SLC2A5: variants seen among roughly 807,000 people sequenced by gnomAD.
SLC2A5 encodes solute carrier family 2 member 5.
A neutral mutation model predicts 50.3 loss-of-function variants in SLC2A5; 56 were observed. The ratio of observed to expected loss-of-function variants is 1.11; its 90% CI spans 0.90 to 1.39. SLC2A5 has a LOEUF of 1.39. Among genes scored for constraint, SLC2A5 ranks in the 40% most tolerant of loss-of-function variants. The pLI, the probability that SLC2A5 is intolerant of heterozygous loss-of-function variation, is 0.00. For synonymous variants in SLC2A5, 269 were observed against 281.9 expected, an observed-to-expected ratio of 0.95 and a Z score of 0.46; for missense variants, 566 against 650.1, an observed-to-expected ratio of 0.87 and a Z score of 1.41.
chr1:9,076,527 T>C (rs954420906), intron 2 of SLC2A5, among the ~76,000 whole-genome samples: 5 of 152,220 alleles, frequency 3.3e-5, no homozygotes, highest in African/African-American at 1.2e-4. Flanking sequence ...TATCACATGA[T>C]AGCAGAAATG....
intron 4 of SLC2A5, among the ~76,000 whole-genome samples, chr1:9,042,524 T>C (rs1641329650): frequency 6.7e-6 from 1 of 150,020 alleles, no homozygotes; most frequent in Non-Finnish European, 1.5e-5. Flanking sequence ...TATATGGACA[T>C]GGCCTGGTGT....
At chr1:9,075,955 C>G (rs1254377202) in intron 2 of SLC2A5, among the ~76,000 whole-genome samples, 3 of 146,170 alleles carry the variant, frequency 2.1e-5, no homozygotes, top group African/African-American at 7.6e-5. Flanking sequence ...GCCACCGCGC[C>G]CGGCATTTTT....
rs1641793213 is a variant in SLC2A5 at position 9,057,568 on chromosome 1, G to A, written c.173C>T (p.Thr58Ile). The A allele has an allele frequency of 6.2e-7, 1 of 1,613,462 alleles. No individual in the cohort carries two copies. The highest frequency in any genetic ancestry group is 1.3e-5 in the African/African-American group (1 of 74,920). Residue 58 changes from threonine (T) to isoleucine (I), a missense_variant, in exon 3 of 12, where the codon ACC (threonine) becomes ATC (isoleucine). Thr to Ile is a moderately conservative substitution (Grantham distance 89). Coordinates refer to ENST00000377424, the MANE Select transcript of SLC2A5 (RefSeq NM_003039.3). ...GGGGAAGTCTTCCATGAATTCACCG[G>A]TCCTACCATAGTAAGTCTCATTGTA... ...QFYNETYYGR[T>I]GEFMEDFPLT...
At chr1:9,086,311 G>A (rs998362656) in intron 1 of SLC2A5, among the ~76,000 whole-genome samples, 3 of 151,966 alleles carry the variant, frequency 2.0e-5, no homozygotes, top group Non-Finnish European at 2.9e-5. Flanking sequence ...GGCCAGCCAC[G>A]CCCTAAGGGA....
At chr1:9,059,008 A>G (rs1156828693) in intron 1 of SLC2A5, among the ~76,000 whole-genome samples, 1 of 152,112 alleles carries the variant, frequency 6.6e-6, no homozygotes, top group Admixed American at 6.6e-5. Context: ...AGTGTTTGCC[A>G]GGATTAATTA....
intron 1 of SLC2A5, among the ~76,000 whole-genome samples, chr1:9,059,194 G>C (rs753918457): frequency 2.3e-5 from 3 of 130,694 alleles, no homozygotes; most frequent in Non-Finnish European, 4.7e-5. Context: ...CCAGGCTGGA[G>C]TGCAGTGGCG....
In SLC2A5 at chr1:9,038,882, G is replaced by T. The variant is rs202079580; in HGVS notation, c.1044C>A (p.Gly348=). Residue 348 remains glycine (G), a synonymous_variant, in exon 9 of 12, where the codon GGC becomes GGA. Transcript: ENST00000377424. ...AGCAGGCTATGAGGCAGATGGAGAA[G>T]CCCAGCAGCAGCAGCAGCCTCCGAC... ...LLGRRLLLLL[G]FSICLIACCV... 1.9e-6 allele frequency: 3 copies of T among 1,612,680 alleles called. No individual in the cohort carries two copies. Among genetic ancestry groups the T allele is most frequent in the African/African-American group, 2.7e-5 (2 of 75,032 alleles).
rs543555225 is a variant in SLC2A5, at chr1:9,076,946, C to T, written c.-58-7352G>A. Among the ~76,000 whole-genome samples, 9 of 151,894 alleles carry T rather than the reference C, an allele frequency of 5.9e-5. No homozygotes were observed. In the South Asian group the frequency reaches 6.2e-4, roughly 11 times the overall value. On this transcript the variant is annotated intron_variant, in intron 2 of 5. Transcript: ENST00000464985. Reference sequence around the variant, plus strand: ...CTGGGATTACAGGCGCCTGCCACCACGCATGGCTAATTTTGTATTTTTAGT... The same window carrying T: ...CTGGGATTACAGGCGCCTGCCACCATGCATGGCTAATTTTGTATTTTTAGT...
In SLC2A5 at chr1:9,038,921, C is replaced by G; in HGVS notation, c.1005G>C (p.Val335=). 1 of 1,612,476 alleles carries G rather than the reference C, an allele frequency of 6.2e-7. No homozygotes were observed. Among genetic ancestry groups the G allele is most frequent in the Non-Finnish European group, 8.5e-7 (1 of 1,179,848 alleles). Residue 335 remains valine, a synonymous_variant, in exon 9 of 12, where the codon GTG becomes GTC. Transcript: ENST00000377424. ...GCAGCCTCCGACCCAGGAGCTCCAC[C>G]ACGAACACCTACAGGAGGGTGGCAG... ...NVVMTFCAVF[V]VELLGRRLLL...
rs1488825090 is a variant in SLC2A5 at position 9,053,128 on chromosome 1, T to TTAATATATA, written c.293+4319_293+4320insTATATATTA. Among the ~76,000 whole-genome samples the TTAATATATA allele has an allele frequency of 8.3e-5, 5 of 60,102 alleles. 1 individual carries two copies. Among genetic ancestry groups the TTAATATATA allele is most frequent in the African/African-American group, 3.8e-4 (5 of 13,070 alleles). The allele number at this position is 60,102 out of a possible 152,430, so 39.4% of individuals were successfully genotyped here. On this transcript the variant is annotated intron_variant, in intron 3 of 11. Coordinates refer to ENST00000377424, the MANE Select transcript of SLC2A5 (RefSeq NM_003039.3). ...TATAATATATATTATATATTTATATTACATATATTTATATGTTAATATATA... is the reference window on the plus strand; with the variant it reads ...TATAATATATATTATATATTTATATTTAATATATAACATATATTTATATGTTAATATATA...
rs562001609 is a variant in SLC2A5 at position 9,037,774 on chromosome 1, A to G, written c.1318T>C (p.Tyr440His). Residue 440 changes from tyrosine to histidine, a missense_variant, in exon 12 of 12, where the codon TAC (tyrosine) becomes CAC (histidine). By Grantham distance (83) the Tyr-to-His change is moderately conservative. Transcript: ENST00000377424. ...FPFIQEGLGP[Y>H]SFIVFAVICL... ...ATCACGGCGAAGACAATGAAGCTGT[A>G]CGGGCCGAGGCCCTCCTGCGGGAAG... 6.2e-7 allele frequency: 1 copy of G among 1,614,202 alleles called. No homozygotes were observed. The highest frequency in any genetic ancestry group is 2.2e-5 in the East Asian group (1 of 44,890).
chr1:9,037,831 G>T (rs1263141370), intron 11 of SLC2A5, 42 bp from the exon 12 acceptor site: 6 of 1,613,778 alleles, frequency 3.7e-6, no homozygotes, highest in Non-Finnish European at 5.1e-6. Flanking sequence ...GACGTGGTTT[G>T]CCCAGGGGCT....
intron 1 of SLC2A5, among the ~76,000 whole-genome samples, chr1:9,058,988 T>A (rs1182799420): frequency 6.6e-6 from 1 of 151,912 alleles, no homozygotes; most frequent in Non-Finnish European, 1.5e-5. Flanking sequence ...ACAATCACAC[T>A]CCCTACCAGA....
In SLC2A5 at chr1:9,040,503, C is replaced by A; in HGVS notation, c.572-314G>T. 3.2e-6 allele frequency: 1 copy of A among 312,868 alleles called. No individual in the cohort carries two copies. Among genetic ancestry groups the A allele is most frequent in the Non-Finnish European group, 6.0e-6 (1 of 166,612 alleles). 19.4% of individuals were successfully genotyped at this position (312,868 alleles called of 1,614,324 possible). A position where few individuals can be genotyped will look rare whatever the true frequency, so the allele number is the denominator to read the frequency against. On this transcript the variant is annotated intron_variant, in intron 5 of 11. Transcript: ENST00000377424. This position sits in a 1 kb window ranked among gnomAD's most constrained non-coding sequence, Gnocchi z 4.3. Reference sequence around the variant, plus strand: ...AGGGGCTGGAGGAGCTGGGCATACCCGGCCTGACCCAACTGCCCACTCCCA... The same window carrying A: ...AGGGGCTGGAGGAGCTGGGCATACCAGGCCTGACCCAACTGCCCACTCCCA...
rs775990072 is a variant in SLC2A5 at position 9,040,169 on chromosome 1, G to C, written c.592C>G (p.Leu198Val). ...NVDGWPILLG[L>V]TGVPAALQLL... The stretch of plus-strand genomic sequence containing the variant: ...TGCAGCGCCGCGGGGACCCCGGTCA[G>C]CCCCAGCAGGATCGGCCAGCCTGGG... Residue 198 changes from leucine to valine, a missense_variant, in exon 6 of 12, where the codon CTG becomes GTG. Transcript: ENST00000377424. The surrounding 1 kb of genome is among the most constrained non-coding windows in gnomAD (Gnocchi z 4.3). The C allele has an allele frequency of 2.3e-5, 36 of 1,553,802 alleles. No homozygotes were observed. The highest frequency in any genetic ancestry group is 3.0e-5 in the Non-Finnish European group (34 of 1,149,958).
intron 1 of SLC2A5, 145 bp downstream of exon 1, chr1:9,069,359 C>A (rs1197086582): frequency 6.2e-6 from 5 of 806,164 alleles, no homozygotes; most frequent in Non-Finnish European, 1.0e-5. Context: ...CTGGACAAGA[C>A]TTTCCCCCTC....
chr1:9,072,803 A>AG (rs1446103517), upstream of SLC2A5, among the ~76,000 whole-genome samples: 1 of 151,558 alleles, frequency 6.6e-6, no homozygotes, highest in Non-Finnish European at 1.5e-5. Context: ...TGCCAAAAAA[A>AG]AAAAAAAAAT....
chr1:9,082,904 G>C, intron 2 of SLC2A5: 1 of 264,846 alleles, frequency 3.8e-6, no homozygotes, highest in Non-Finnish European at 7.8e-6. Flanking sequence ...AATGCAGATT[G>C]GTGGCTGCCA....
At chr1:9,088,343 C>T (rs147586492) in intron 1 of SLC2A5, 1 of 152,474 alleles carries the variant, frequency 6.6e-6, no homozygotes, top group Non-Finnish European at 1.5e-5. Flanking sequence ...ACCACCAAAC[C>T]CCCTCCCTCC....
Sources: allele counts gnomAD v4.1 joint callset (sites outside exome capture counted in the v4.1 genomes callset), GRCh38; gene constraint gnomAD v4.1.1; non-coding constraint Gnocchi (gnomAD v3.1); transcripts MANE v1.5; gene names NCBI Gene and HGNC (gene_info 2026-07-23, HGNC 2026-07-21).